Variants in KDM5B observed in about 807,000 individuals in gnomAD.
KDM5B encodes lysine demethylase 5B.
KDM5B carries 144 observed loss-of-function variants against 193.4 expected under a neutral mutation model. That is an observed-to-expected ratio of 0.74 (90% CI 0.65 to 0.86). The LOEUF (loss-of-function observed/expected upper bound fraction) is 0.86, where lower values mean the gene tolerates loss of function less well. Ranked by LOEUF, KDM5B falls within the 40% of genes least tolerant of loss-of-function variation. The pLI is 0.00. For missense variants in KDM5B, 1,833 were observed against 1,886.9 expected (o/e 0.97, Z 0.53); for synonymous variants, 668 against 682.6 (o/e 0.98, Z 0.33).
intron 20 of KDM5B, among the ~76,000 whole-genome samples, chr1:202,738,006 A>C (rs527589516): frequency 1.3e-5 from 2 of 152,352 alleles, no homozygotes; most frequent in Admixed American, 1.3e-4. Flanking sequence ...TATTCCTATG[A>C]TATTTAATTT....
chr1:202,778,444 G>A (rs1432101572), intron 1 of KDM5B, among the ~76,000 whole-genome samples: 1 of 152,140 alleles, frequency 6.6e-6, no homozygotes, highest in Non-Finnish European at 1.5e-5. Context: ...TCTGGAGGTA[G>A]ACAATGGTAA....
intron 9 of KDM5B, among the ~76,000 whole-genome samples, chr1:202,757,720 T>A (rs943622413): frequency 6.6e-6 from 1 of 151,926 alleles, no homozygotes; most frequent in African/African-American, 2.4e-5. Flanking sequence ...GATCCATAAA[T>A]TGATACAGCA....
At position 202,728,724 on chromosome 1, in the gene KDM5B, G is replaced by A; in HGVS notation, c.*312C>T. On this transcript the variant is annotated 3_prime_UTR_variant, in exon 27 of 27. Coordinates refer to ENST00000367265, the MANE Select transcript of KDM5B (RefSeq NM_006618.5). ...CAGAGAGAGGTAAAATTTTAATGCTGTACATGAAAAGGTGCAAGCTTCAAT... is the reference window on the plus strand; with the variant it reads ...CAGAGAGAGGTAAAATTTTAATGCTATACATGAAAAGGTGCAAGCTTCAAT... The A allele has an allele frequency of 4.0e-6, 1 of 248,054 alleles. No homozygotes were observed. Among genetic ancestry groups the A allele is most frequent in the South Asian group, 6.4e-5 (1 of 15,742 alleles). 15.4% of individuals were successfully genotyped at this position (248,054 alleles called of 1,614,324 possible).
chr1:202,726,055 A>G lies in KDM5B; in HGVS notation c.*2981T>C, dbSNP rs1388068351. On this transcript the variant is annotated 3_prime_UTR_variant, in exon 27 of 27. Coordinates refer to ENST00000367265, the MANE Select transcript of KDM5B (RefSeq NM_006618.5). Reference sequence around the variant, plus strand: ...CCAAATCAGTAGAGAGCCATGTTTCACCCTCTTCCAGGTAGAGATCTACTC... The same window carrying G: ...CCAAATCAGTAGAGAGCCATGTTTCGCCCTCTTCCAGGTAGAGATCTACTC... 1 of 151,422 alleles carries G rather than the reference A, an allele frequency of 6.6e-6. No homozygotes were observed. Among genetic ancestry groups the G allele is most frequent in the African/African-American group, 2.4e-5 (1 of 41,130 alleles). 9.4% of individuals were successfully genotyped at this position (151,422 alleles called of 1,614,324 possible).
intron 20 of KDM5B, among the ~76,000 whole-genome samples, chr1:202,737,893 G>A (rs1025632959): frequency 1.3e-5 from 2 of 152,216 alleles, no homozygotes; most frequent in Non-Finnish European, 1.5e-5. Flanking sequence ...AGACTGGGTA[G>A]GTTGATATTT....
chr1:202,778,476 G>A (rs754178934), intron 1 of KDM5B, among the ~76,000 whole-genome samples: 9 of 152,100 alleles, frequency 5.9e-5, no homozygotes, highest in Non-Finnish European at 1.2e-4. Context: ...CAATGTAAAT[G>A]TACCCAATGC....
intron 1 of KDM5B, among the ~76,000 whole-genome samples, chr1:202,790,205 G>T (rs1418604940): frequency 6.6e-6 from 1 of 151,716 alleles, no homozygotes; most frequent in Non-Finnish European, 1.5e-5. Context: ...AAAGGTTGCG[G>T]TAAGCCGAGA....
intron 10 of KDM5B, among the ~76,000 whole-genome samples, chr1:202,755,915 C>G (rs1042038941): frequency 6.6e-6 from 1 of 151,030 alleles, no homozygotes; most frequent in East Asian, 1.9e-4. Flanking sequence ...GGAAATTCAT[C>G]AGTCTGTATA....
chr1:202,769,890 A>G (rs1656641708), intron 4 of KDM5B, among the ~76,000 whole-genome samples: 1 of 152,112 alleles, frequency 6.6e-6, no homozygotes, highest in Admixed American at 6.6e-5. Context: ...TATCCAATGT[A>G]CTTTCTATTT....
intron 7 of KDM5B, among the ~76,000 whole-genome samples, chr1:202,760,803 A>G (rs1656216209): frequency 6.6e-6 from 1 of 152,178 alleles, no homozygotes; most frequent in African/African-American, 2.4e-5. Flanking sequence ...AGCTTTCTCA[A>G]CTGTCATGTG....
In KDM5B at chr1:202,740,345, G is replaced by A. The variant is rs1365293017; in HGVS notation, c.3084+329C>T. Among the ~76,000 whole-genome samples, 27 of 134,600 alleles carry A rather than the reference G, an allele frequency of 2.0e-4. 1 individual carries two copies. The highest frequency in any genetic ancestry group is 5.2e-4 in the Admixed American group (7 of 13,440). 88.3% of individuals were successfully genotyped at this position (134,600 alleles called of 152,430 possible). On this transcript the variant is annotated intron_variant, in intron 20 of 26. Transcript: ENST00000367265. ...CCCTCACCTCCCGGACGGGGTGGCC[G>A]GCCGGGCGGGGGGCTGACCCCCCCA...
Position 202,762,905 on chromosome 1 carries a change from C to T in KDM5B, c.809-97G>A, listed in dbSNP as rs1656310759. 3 of 716,656 alleles carry T rather than the reference C, an allele frequency of 4.2e-6. No individual in the cohort carries two copies. In the Admixed American group the frequency reaches 6.4e-5, roughly 15 times the overall value. 44.4% of individuals were successfully genotyped at this position (716,656 alleles called of 1,614,324 possible). ...CACATACTGTACACAAACATAATTT[C>T]ATGTGTGTTTTCACATTTTAGTAGC... On this transcript the variant is annotated intron_variant, in intron 6 of 26. Transcript: ENST00000367265.
chr1:202,733,131 A>G (rs546120489), intron 23 of KDM5B, among the ~76,000 whole-genome samples: 3 of 152,388 alleles, frequency 2.0e-5, no homozygotes, highest in Admixed American at 6.5e-5. Context: ...CAGCATACAT[A>G]TAAATGAAAA....
chr1:202,739,965 G>A (rs1337666173), intron 20 of KDM5B, among the ~76,000 whole-genome samples: 7 of 152,134 alleles, frequency 4.6e-5, no homozygotes, highest in South Asian at 4.1e-4. Flanking sequence ...TTGTCATCCC[G>A]GCCCGTTCTC....
chr1:202,733,342 A>G, intron 23 of KDM5B, 59 bp downstream of exon 23: 1 of 1,558,574 alleles, frequency 6.4e-7, no homozygotes, highest in Non-Finnish European at 8.7e-7. Flanking sequence ...TACAGGTTCG[A>G]GAGAAAGGTA....
intron 10 of KDM5B, 76 bp from the exon 11 acceptor site, chr1:202,755,528 T>C (rs1655974934): frequency 1.8e-6 from 2 of 1,128,440 alleles, no homozygotes; most frequent in South Asian, 1.5e-5. Context: ...GCTAAAAATA[T>C]TATCCTTCAA....
In KDM5B at chr1:202,727,348, C is replaced by A. The variant is rs1353743718; in HGVS notation, c.*1688G>T. On this transcript the variant is annotated 3_prime_UTR_variant, in exon 27 of 27. Transcript: ENST00000367265. ...TTCTTCTCTATTGGCCCCAGAACCA[C>A]CATCAGACGAAGAGAAACATCACAA... The A allele has an allele frequency of 6.6e-6, 1 of 152,360 alleles. No homozygotes were observed. Among genetic ancestry groups the A allele is most frequent in the Non-Finnish European group, 1.5e-5 (1 of 68,040 alleles). The allele number at this position is 152,360 out of a possible 1,614,324, so 9.4% of individuals were successfully genotyped here.
chr1:202,748,909 A>G (rs1225226822), intron 14 of KDM5B, 36 bp downstream of exon 14: 1 of 1,545,304 alleles, frequency 6.5e-7, no homozygotes. Context: ...AATAATACCC[A>G]ATGACAACAT....
intron 20 of KDM5B, among the ~76,000 whole-genome samples, chr1:202,737,651 C>T (rs934329992): frequency 2.0e-5 from 3 of 152,082 alleles, no homozygotes; most frequent in Admixed American, 2.0e-4. Context: ...AAACTAACTT[C>T]CAATTTATAG....
Sources: gnomAD v4.1 joint callset for allele counts (sites outside exome capture counted in the v4.1 genomes callset) on GRCh38, gnomAD v4.1.1 for gene constraint, MANE v1.5 for transcripts, NCBI Gene and HGNC (gene_info 2026-07-23, HGNC 2026-07-21) for gene names.